The following LHX5 variants were observed in gnomAD, a reference collection of about 807,000 sequenced individuals.
LHX5 encodes the protein LIM homeobox 5.
Under a neutral mutation model 30.6 loss-of-function variants are expected in LHX5, and 5 were observed. That is an observed-to-expected ratio of 0.16 (90% CI 0.09 to 0.34). The LOEUF is 0.34. Ranked by LOEUF, LHX5 falls within the 10% of genes least tolerant of loss-of-function variation. The probability of loss-of-function intolerance (pLI) is 1.00; values close to 1 mark genes in which losing one functional copy is unlikely to be tolerated. For missense variants in LHX5, 458 were observed against 570.6 expected, an observed-to-expected ratio of 0.80 and a Z score of 2.01; for synonymous variants, 266 against 252.6, an observed-to-expected ratio of 1.05 and a Z score of -0.50.
At position 113,468,356 on chromosome 12, in the gene LHX5, A is replaced by G. The variant is rs1958227331; in HGVS notation, c.446T>C (p.Leu149Pro). ...GTCCGTCTCTTTGGGGTCGTCCTGC[A>G]GTGCGTCCTGGAGGTCCGGGGACAA... ...RSLSPDLQDA[L>P]QDDPKETDNS... The change falls in exon 3 of 5, where the codon CTG (leucine) becomes CCG (proline). Residue 149 changes from leucine to proline, a missense_variant. Around this residue, in one of 3 missense-constraint regions of LHX5, gnomAD observed 178 missense variants for 238.5 expected, o/e 0.75. Coordinates refer to ENST00000261731, the MANE Select transcript of LHX5 (RefSeq NM_022363.3). 1.2e-6 allele frequency: 2 copies of G among 1,614,070 alleles called. No individual in the cohort carries two copies. The highest frequency in any genetic ancestry group is 2.2e-5 in the East Asian group (1 of 44,870).
chr12:113,469,029 G>T (rs1247514228), intron 2 of LHX5, 93 bp downstream of exon 2: 12 of 941,858 alleles, frequency 1.3e-5, no homozygotes, highest in Non-Finnish European at 1.8e-5. Flanking sequence ...GCTCAGCACA[G>T]ACAGCACACC....
Position 113,469,298 on chromosome 12 carries a change from C to G in LHX5, c.221G>C (p.Ser74Thr). ...CAGCAQGISPSDLVRKARSKV... is the reference protein window; with the variant it reads ...CAGCAQGISPTDLVRKARSKV... The stretch of plus-strand genomic sequence containing the variant: ...GCTCCGGGCCTTGCGCACCAGGTCG[C>G]TGGGCGAGATGCCTTGCGCGCAGCC... Residue 74 changes from serine to threonine, a missense_variant, in exon 2 of 5, where the codon AGC becomes ACC. Ser to Thr is a moderately conservative substitution (Grantham distance 58). Around this residue, in one of 3 missense-constraint regions of LHX5, gnomAD observed 178 missense variants for 238.5 expected, o/e 0.75. Transcript: ENST00000261731. The G allele has an allele frequency of 6.2e-7, 1 of 1,614,124 alleles. No homozygotes were observed. Among genetic ancestry groups the G allele is most frequent in the Non-Finnish European group, 8.5e-7 (1 of 1,180,042 alleles).
In LHX5 at chr12:113,466,107, C is replaced by T. The variant is rs1413067475; in HGVS notation, c.841+1149G>A. 6.6e-6 allele frequency among the ~76,000 whole-genome samples: 1 copy of T among 152,224 alleles called. No individual in the cohort carries two copies. The highest frequency in any genetic ancestry group is 1.5e-5 in the Non-Finnish European group (1 of 68,046). On this transcript the variant is annotated intron_variant, in intron 4 of 4. Coordinates refer to ENST00000261731, the MANE Select transcript of LHX5 (RefSeq NM_022363.3). This position sits in a 1 kb window ranked among gnomAD's most constrained non-coding sequence, Gnocchi z 6.5. ...CTGCGTCTACCTGGGTGCCTAGCTC[C>T]TGCCTTGCTAACACTGCCACTGAAC...
rs1290831795 is a variant in LHX5, at chr12:113,468,238, C to T, written c.564G>A (p.Lys188=). The part of the protein sequence containing the change: ...TKRRGPRTTI[K]AKQLETLKAA... Reference sequence around the variant, plus strand: ...CCTTGAGCGTCTCCAGCTGCTTGGCCTTGATGGTGGTGCGGGGGCCGCGCC... The same window carrying T: ...CCTTGAGCGTCTCCAGCTGCTTGGCTTTGATGGTGGTGCGGGGGCCGCGCC... Residue 188 remains lysine, a synonymous_variant, in exon 3 of 5, where the codon AAG becomes AAA. Coordinates refer to ENST00000261731, the MANE Select transcript of LHX5 (RefSeq NM_022363.3). 16 of 1,613,928 alleles carry T rather than the reference C, an allele frequency of 9.9e-6. No individual in the cohort carries two copies. Among genetic ancestry groups the T allele is most frequent in the African/African-American group, 1.3e-5 (1 of 74,940 alleles).
rs955460312 is a variant in LHX5 at position 113,463,185 on chromosome 12, C to A, written c.*5G>T. The stretch of plus-strand genomic sequence containing the variant: ...GGGCCGAGCGCGGGGGGCGGCCCGG[C>A]GGCCTTACCACACGGCGGCTTCGTT... On this transcript the variant is annotated 3_prime_UTR_variant, in exon 5 of 5. Coordinates refer to ENST00000261731, the MANE Select transcript of LHX5 (RefSeq NM_022363.3). The surrounding 1 kb of genome is among the most constrained non-coding windows in gnomAD (Gnocchi z 6.7). The A allele has an allele frequency of 1.3e-6, 2 of 1,501,330 alleles. No homozygotes were observed. Among genetic ancestry groups the A allele is most frequent in the Non-Finnish European group, 1.8e-6 (2 of 1,133,364 alleles). 93.0% of individuals were successfully genotyped at this position (1,501,330 alleles called of 1,614,324 possible).
At position 113,463,201 on chromosome 12, in the gene LHX5, CGG is replaced by C. The variant is rs1958187201; in HGVS notation, c.1196_1197del (p.Ala399GlyfsTer312). Reference sequence around the variant, plus strand: ...GCGGCCCGGCGGCCTTACCACACGGCGGCTTCGTTGAGCTCGGGGTTGGGATG... The same window carrying C: ...GCGGCCCGGCGGCCTTACCACACGGCCTTCGTTGAGCTCGGGGTTGGGATG... ...LSHPNPELNEAAVW is the reference protein window; with the variant it reads ...LSHPNPELNEXAVW On this transcript the variant is annotated frameshift_variant, in exon 5 of 5. Transcript: ENST00000261731. LOFTEE classifies it high-confidence loss of function. This position sits in a 1 kb window ranked among gnomAD's most constrained non-coding sequence, Gnocchi z 6.7. 1 of 1,515,562 alleles carries C rather than the reference CGG, an allele frequency of 6.6e-7. No homozygotes were observed. Among genetic ancestry groups the C allele is most frequent in the East Asian group, 2.7e-5 (1 of 37,724 alleles). The allele number at this position is 1,515,562 out of a possible 1,614,324, so 93.9% of individuals were successfully genotyped here.
intron 2 of LHX5, 131 bp downstream of exon 2, chr12:113,468,991 A>G (rs1958230359): frequency 1.4e-6 from 1 of 699,036 alleles, no homozygotes; most frequent in African/African-American, 1.8e-5. Context: ...GCCTTGCCCT[A>G]GAACTGCCTG....
chr12:113,463,553 G>A lies in LHX5; in HGVS notation c.846C>T (p.Tyr282=). The change falls in exon 5 of 5, where the codon TAC becomes TAT. Residue 282 remains tyrosine (Y), a synonymous_variant. Transcript: ENST00000261731. This position sits in a 1 kb window ranked among gnomAD's most constrained non-coding sequence, Gnocchi z 6.7. Reference sequence around the variant, plus strand: ...TTCCCGGCGCGTAGTAGTCGCCTTGGTAGTCTGCGGAGGGGGAGCGGGAAG... The same window carrying A: ...TTCCCGGCGCGTAGTAGTCGCCTTGATAGTCTGCGGAGGGGGAGCGGGAAG... ...GSTPYTYYGD[Y]QGDYYAPGSN... is the part of the protein sequence containing the mutation. 1 of 1,537,582 alleles carries A rather than the reference G, an allele frequency of 6.5e-7. No individual in the cohort carries two copies. The highest frequency in any genetic ancestry group is 8.7e-7 in the Non-Finnish European group (1 of 1,149,742).
chr12:113,463,367 C>G lies in LHX5; in HGVS notation c.1032G>C (p.Met344Ile), dbSNP rs1251665910. Reference protein sequence around the residue: ...HAADNPRFTDMISHPDTPSPE... With the variant: ...HAADNPRFTDIISHPDTPSPE... ...GGCTCGGTGTGTCCGGGTGCGAGAT[C>G]ATGTCGGTGAACCTGGGGTTGTCCG... The change falls in exon 5 of 5, where the codon ATG becomes ATC. Residue 344 changes from methionine to isoleucine, a missense_variant. Around this residue, in one of 3 missense-constraint regions of LHX5, gnomAD observed 255 missense variants for 246.8 expected, o/e 1.03. Transcript: ENST00000261731. This position sits in a 1 kb window ranked among gnomAD's most constrained non-coding sequence, Gnocchi z 6.7. The G allele has an allele frequency of 6.4e-7, 1 of 1,552,224 alleles. No homozygotes were observed. The highest frequency in any genetic ancestry group is 8.7e-7 in the Non-Finnish European group (1 of 1,149,842).
In LHX5 at chr12:113,467,227, G is replaced by A; in HGVS notation, c.841+29C>T. 1 of 1,414,556 alleles carries A rather than the reference G, an allele frequency of 7.1e-7. No individual in the cohort carries two copies. Among genetic ancestry groups the A allele is most frequent in the Non-Finnish European group, 9.3e-7 (1 of 1,072,464 alleles). 87.6% of individuals were successfully genotyped at this position (1,414,556 alleles called of 1,614,324 possible). On this transcript the variant is annotated intron_variant, in intron 4 of 4. Coordinates refer to ENST00000261731, the MANE Select transcript of LHX5 (RefSeq NM_022363.3). The surrounding 1 kb of genome is among the most constrained non-coding windows in gnomAD (Gnocchi z 6.3). ...TCAGCTCCCGGAATAGGACAGGTGC[G>A]GAACAGCGAATCCCGGGGCGCCCCT...
rs1958252753 is a variant in LHX5 at position 113,471,633 on chromosome 12, A to G, written c.-135T>C. On this transcript the variant is annotated 5_prime_UTR_variant, in exon 1 of 5. Transcript: ENST00000261731. Reference sequence around the variant, plus strand: ...GCGAGTCTGGTCCGGACCAAGACTCAGCCGGTCCAGTCCTTGGGCAATCTC... The same window carrying G: ...GCGAGTCTGGTCCGGACCAAGACTCGGCCGGTCCAGTCCTTGGGCAATCTC... The G allele has an allele frequency of 1.2e-6, 1 of 845,004 alleles. No homozygotes were observed. Among genetic ancestry groups the G allele is most frequent in the East Asian group, 2.7e-5 (1 of 37,026 alleles). 52.3% of individuals were successfully genotyped at this position (845,004 alleles called of 1,614,324 possible).
At position 113,466,492 on chromosome 12, in the gene LHX5, C is replaced by G. The variant is rs1454379701; in HGVS notation, c.841+764G>C. Among the ~76,000 whole-genome samples the G allele has an allele frequency of 6.6e-6, 1 of 152,230 alleles. No homozygotes were observed. The highest frequency in any genetic ancestry group is 1.5e-5 in the Non-Finnish European group (1 of 68,038). On this transcript the variant is annotated intron_variant, in intron 4 of 4. Transcript: ENST00000261731. The surrounding 1 kb of genome is among the most constrained non-coding windows in gnomAD (Gnocchi z 6.5). ...CCTTTGTAAACTGGGGCTCCTCGCT[C>G]TCTGCAGCCCCAAAGACGGTGGAAA...
At chr12:113,468,093 G>C (rs1194913973) in intron 3 of LHX5, 34 bp downstream of exon 3, 2 of 1,482,808 alleles carry the variant, frequency 1.3e-6, no homozygotes, top group South Asian at 1.3e-5. Context: ...CCAGGCCAGC[G>C]GGGCTAAGGA....
rs547379419 is a variant in LHX5, at chr12:113,468,253, G to C, written c.549C>G (p.Pro183=). 2.2e-5 allele frequency: 36 copies of C among 1,614,112 alleles called. 1 individual carries two copies. In the South Asian group the frequency reaches 3.7e-4, roughly 17 times the overall value. The stretch of plus-strand genomic sequence containing the variant: ...GCTGCTTGGCCTTGATGGTGGTGCG[G>C]GGGCCGCGCCGCTTGGTGCCCGAGT... ...EQNSGTKRRG[P]RTTIKAKQLE... The change falls in exon 3 of 5, where the codon CCC becomes CCG. Residue 183 remains proline (P), a synonymous_variant. Transcript: ENST00000261731.
At chr12:113,469,675 G>A (rs973895939) in intron 1 of LHX5, among the ~76,000 whole-genome samples, 3 of 152,232 alleles carry the variant, frequency 2.0e-5, no homozygotes, top group Admixed American at 6.5e-5. Flanking sequence ...TGCCAGGCCT[G>A]CCTGGGCTGC....
chr12:113,471,524 C>G lies in LHX5; in HGVS notation c.-26G>C. ...AGCCCCGCGCCCCGGCGGCTTCGGCCGCCTTGCCCTCCCTTTGGGCCCCTG... is the reference window on the plus strand; with the variant it reads ...AGCCCCGCGCCCCGGCGGCTTCGGCGGCCTTGCCCTCCCTTTGGGCCCCTG... On this transcript the variant is annotated 5_prime_UTR_variant, in exon 1 of 5. Transcript: ENST00000261731. The G allele has an allele frequency of 6.4e-7, 1 of 1,560,874 alleles. No homozygotes were observed. Among genetic ancestry groups the G allele is most frequent in the Non-Finnish European group, 8.7e-7 (1 of 1,152,836 alleles).
rs115876553 is a variant in LHX5, at chr12:113,464,462, T to C, written c.842-905A>G. 0.022 allele frequency among the ~76,000 whole-genome samples: 3,382 copies of C among 152,296 alleles called. 132 individuals are homozygous for C. The highest frequency in any genetic ancestry group is 0.077 in the African/African-American group (3,189 of 41,558). On this transcript the variant is annotated intron_variant, in intron 4 of 4. Transcript: ENST00000261731. This position sits in a 1 kb window ranked among gnomAD's most constrained non-coding sequence, Gnocchi z 6.2. ...CGCCCTAAACTCGGTCCCTGCGCCC[T>C]ACCAACCCAGTCCAAGTCCTTCGCC...
rs1002263753 is a variant in LHX5 at position 113,465,987 on chromosome 12, A to C, written c.841+1269T>G. ...AAGCACAGCCTGGCATTTTGCCCACAATTTCTAGGGGCCCCGGTCCGGTCT... is the reference window on the plus strand; with the variant it reads ...AAGCACAGCCTGGCATTTTGCCCACCATTTCTAGGGGCCCCGGTCCGGTCT... On this transcript the variant is annotated intron_variant, in intron 4 of 4. Transcript: ENST00000261731. The surrounding 1 kb of genome is among the most constrained non-coding windows in gnomAD (Gnocchi z 6.7). Among the ~76,000 whole-genome samples the C allele has an allele frequency of 6.6e-6, 1 of 151,974 alleles. No homozygotes were observed. The highest frequency in any genetic ancestry group is 1.5e-5 in the Non-Finnish European group (1 of 67,986).
rs1488133072 is a variant in LHX5 at position 113,465,403 on chromosome 12, G to A, written c.842-1846C>T. 6.6e-6 allele frequency among the ~76,000 whole-genome samples: 1 copy of A among 152,200 alleles called. No homozygotes were observed. Among genetic ancestry groups the A allele is most frequent in the Non-Finnish European group, 1.5e-5 (1 of 68,028 alleles). On this transcript the variant is annotated intron_variant, in intron 4 of 4. Transcript: ENST00000261731. The surrounding 1 kb of genome is among the most constrained non-coding windows in gnomAD (Gnocchi z 6.7). ...CGGGCCGGAGGTAATTGGAACAAAC[G>A]CCGTCTGAAAAGGGCACAAAAGCCG...
Sources: gnomAD v4.1 joint callset for allele counts (sites outside exome capture counted in the v4.1 genomes callset) on GRCh38, gnomAD v4.1.1 for gene constraint, gnomAD v4.1.1 regional missense constraint, Gnocchi (gnomAD v3.1) non-coding constraint, MANE v1.5 for transcripts, NCBI Gene and HGNC (gene_info 2026-07-23, HGNC 2026-07-21) for gene names.